Variants in LEPR observed in about 807,000 individuals in gnomAD.
LEPR encodes OB receptor.
LEPR carries 56 observed loss-of-function variants against 114.7 expected under a neutral mutation model. The ratio of observed to expected loss-of-function variants is 0.49; its 90% CI spans 0.39 to 0.61. The LOEUF (loss-of-function observed/expected upper bound fraction) is 0.61, where lower values mean the gene tolerates loss of function less well. Among genes scored for constraint, LEPR ranks in the 20% least tolerant of loss-of-function variants. The pLI is 0.00. For synonymous variants in LEPR, 443 were observed against 461.4 expected, an observed-to-expected ratio of 0.96 and a Z score of 0.51; for missense variants, 1,202 against 1,352.9, an observed-to-expected ratio of 0.89 and a Z score of 1.75.
At chr1:65,515,958 TTTG>T (rs1445648620) in intron 2 of LEPR, among the ~76,000 whole-genome samples, 1 of 152,228 alleles carries the variant, frequency 6.6e-6, no homozygotes, top group African/African-American at 2.4e-5. Context: ...ATTCTCCTGA[TTTG>T]TTGTTCAATT....
Position 65,639,217 on chromosome 1 carries a change from A to G in LEPR, c.*2202A>G, listed in dbSNP as rs1401918410. On this transcript the variant is annotated 3_prime_UTR_variant, in exon 20 of 20. Coordinates refer to ENST00000349533, the MANE Select transcript of LEPR (RefSeq NM_002303.6). ...GCTGTAGGTCTGTGTAAAGAAATGT[A>G]GTGACAGCACATTAACCTGAGATCA... is the stretch of plus-strand genomic sequence containing the variant. 1 of 152,240 alleles carries G rather than the reference A, an allele frequency of 6.6e-6. No homozygotes were observed. The highest frequency in any genetic ancestry group is 1.5e-5 in the Non-Finnish European group (1 of 68,042). 9.4% of individuals were successfully genotyped at this position (152,240 alleles called of 1,614,324 possible).
At chr1:65,631,049 A>G (rs573348564) in intron 19 of LEPR, among the ~76,000 whole-genome samples, 6 of 152,230 alleles carry the variant, frequency 3.9e-5, no homozygotes, top group African/African-American at 1.4e-4. Context: ...GAAACAGTAG[A>G]CAGGCTGACT....
At chr1:65,566,201 CTTTTTTTTT>C (rs35617332) in intron 3 of LEPR, among the ~76,000 whole-genome samples, 5 of 113,572 alleles carry the variant, frequency 4.4e-5, no homozygotes, top group Admixed American at 1.9e-4. Context: ...TAGATTAATT[CTTTTTTTTT>C]TTTTTTTTTT....
At chr1:65,635,217 TA>T in intron 19 of LEPR, 1 of 968,356 alleles carries the variant, frequency 1.0e-6, no homozygotes, top group African/African-American at 1.8e-5. Flanking sequence ...ACGTGTATGA[TA>T]TATAAGCTGA....
At position 65,636,369 on chromosome 1, in the gene LEPR, G is replaced by A; in HGVS notation, c.2852G>A (p.Gly951Asp). The A allele has an allele frequency of 6.2e-7, 1 of 1,614,080 alleles. No homozygotes were observed. The highest frequency in any genetic ancestry group is 8.5e-7 in the Non-Finnish European group (1 of 1,179,988). ...CTTTCAACAACAGATCTTGAAAAGG[G>A]TTCTGTTTGTATTAGTGACCAGTTC... is the stretch of plus-strand genomic sequence containing the variant. Reference protein sequence around the residue: ...SLLSTTDLEKGSVCISDQFNS... With the variant: ...SLLSTTDLEKDSVCISDQFNS... The change falls in exon 20 of 20, where the codon GGT (glycine) becomes GAT (aspartate). Residue 951 changes from glycine to aspartate, a missense_variant. By Grantham distance (94) the Gly-to-Asp change is moderately conservative. Coordinates refer to ENST00000349533, the MANE Select transcript of LEPR (RefSeq NM_002303.6).
At chr1:65,505,255 CCTAA>C (rs1408404193) in intron 2 of LEPR, among the ~76,000 whole-genome samples, 1 of 152,048 alleles carries the variant, frequency 6.6e-6, no homozygotes, top group Non-Finnish European at 1.5e-5. Context: ...ATATTGAGCT[CCTAA>C]CTGACAAATG....
intron 11 of LEPR, among the ~76,000 whole-genome samples, chr1:65,607,950 C>T (rs1390226128): frequency 1.3e-5 from 2 of 152,100 alleles, no homozygotes; most frequent in East Asian, 1.9e-4. Flanking sequence ...TGTACATATA[C>T]GTATCTATTT....
intron 2 of LEPR, among the ~76,000 whole-genome samples, chr1:65,521,871 G>T (rs1027762449): frequency 6.6e-6 from 1 of 152,006 alleles, no homozygotes; most frequent in African/African-American, 2.4e-5. Context: ...AGGTTGAGGC[G>T]GGCGGATCAA....
intron 2 of LEPR, among the ~76,000 whole-genome samples, chr1:65,442,192 G>A (rs1351071170): frequency 6.6e-6 from 1 of 152,124 alleles, no homozygotes; most frequent in African/African-American, 2.4e-5. Flanking sequence ...AAATGAAAAG[G>A]TGATTCCCAA....
chr1:65,437,824 T>C (rs1005065132), intron 2 of LEPR, among the ~76,000 whole-genome samples: 1 of 151,790 alleles, frequency 6.6e-6, no homozygotes. Flanking sequence ...AAAAGAGCCA[T>C]GTGGATTTTA....
At chr1:65,432,936 A>G in intron 2 of LEPR, 2 of 976,432 alleles carry the variant, frequency 2.0e-6, no homozygotes, top group Non-Finnish European at 2.4e-6. Flanking sequence ...TTGTCAATAT[A>G]TAATCAAAAT....
intron 2 of LEPR, among the ~76,000 whole-genome samples, chr1:65,443,538 T>G (rs1174762450): frequency 2.6e-5 from 4 of 151,914 alleles, no homozygotes; most frequent in Non-Finnish European, 5.9e-5. Context: ...GCTGGGTATA[T>G]AAGCTCTAAA....
chr1:65,588,652 A>G (rs1189178459), intron 5 of LEPR, among the ~76,000 whole-genome samples: 1 of 151,960 alleles, frequency 6.6e-6, no homozygotes, highest in African/African-American at 2.4e-5. Context: ...ATAGCCTACT[A>G]TTACTCTAGC....
chr1:65,597,586 G>A (rs1024107587), intron 7 of LEPR, among the ~76,000 whole-genome samples: 1 of 152,090 alleles, frequency 6.6e-6, no homozygotes, highest in African/African-American at 2.4e-5. Context: ...GCAGTGCAAA[G>A]GATGGTGTGG....
intron 2 of LEPR, among the ~76,000 whole-genome samples, chr1:65,519,776 C>T (rs528069318): frequency 2.6e-5 from 4 of 152,102 alleles, no homozygotes; most frequent in African/African-American, 9.6e-5. Context: ...TTGAGCAATC[C>T]TCACACCTCA....
chr1:65,593,752 C>T (rs1356232356), intron 6 of LEPR, among the ~76,000 whole-genome samples: 2 of 152,024 alleles, frequency 1.3e-5, no homozygotes, highest in African/African-American at 4.8e-5. Flanking sequence ...AATAATTTGT[C>T]CTGTAGGGAT....
intron 2 of LEPR, among the ~76,000 whole-genome samples, chr1:65,513,095 CT>C (rs1157459605): frequency 6.6e-6 from 1 of 152,162 alleles, no homozygotes; most frequent in Non-Finnish European, 1.5e-5. Flanking sequence ...CTTGACTGGC[CT>C]TTTTCTAGTC....
intron 2 of LEPR, among the ~76,000 whole-genome samples, chr1:65,506,055 T>A (rs957219025): frequency 3.3e-5 from 5 of 152,228 alleles, no homozygotes; most frequent in Non-Finnish European, 7.3e-5. Flanking sequence ...GCAAACATGC[T>A]GGTTCCCCAC....
intron 19 of LEPR, chr1:65,623,503 TAATAA>T (rs1298269680): frequency 6.6e-6 from 1 of 152,258 alleles, no homozygotes; most frequent in African/African-American, 2.4e-5. Context: ...TAGTCAACTA[TAATAA>T]AATAATTTGT....
Sources: gnomAD v4.1 joint callset for allele counts (sites outside exome capture counted in the v4.1 genomes callset) on GRCh38, gnomAD v4.1.1 for gene constraint, MANE v1.5 for transcripts, NCBI Gene and HGNC (gene_info 2026-07-23, HGNC 2026-07-21) for gene names.